RAB4B: variants seen among roughly 807,000 people sequenced by gnomAD.
RAB4B encodes the protein RAB4B, member RAS oncogene family, also known as ras-related protein Rab-4B.
In RAB4B, 15 loss-of-function variants were observed where a neutral mutation model predicts 28.3. The observed-to-expected ratio is 0.53, with a 90% confidence interval of 0.35 to 0.82. The LOEUF (loss-of-function observed/expected upper bound fraction) is 0.82, where lower values mean the gene tolerates loss of function less well. RAB4B is among the 40% of genes least tolerant of loss of function. The pLI, the probability that RAB4B is intolerant of heterozygous loss-of-function variation, is 0.01. For missense variants in RAB4B, 244 were observed against 288.5 expected (o/e 0.85, Z 1.12); for synonymous variants, 108 against 116.3 (o/e 0.93, Z 0.46).
At chr19:40,796,504 A>G (rs1265725733) in intron 7 of RAB4B, 66 bp from the exon 8 acceptor site, 13 of 152,462 alleles carry the variant, frequency 8.5e-5, no homozygotes, top group Non-Finnish European at 2.9e-5. Context: ...AATACCTGGA[A>G]ATGAGATAGA....
In RAB4B at chr19:40,796,921, C is replaced by T. The variant is rs2083214310; in HGVS notation, c.*367C>T. The T allele has an allele frequency of 6.5e-6, 1 of 152,720 alleles. No individual in the cohort carries two copies. The highest frequency in any genetic ancestry group is 2.4e-5 in the African/African-American group (1 of 41,444). The allele number at this position is 152,720 out of a possible 1,614,324, so 9.5% of individuals were successfully genotyped here. ...GCCTGTCCAGCACCCACCCTACCCC[C>T]ATAAAGCATTGTTTACACCTGTGTC... On this transcript the variant is annotated 3_prime_UTR_variant, in exon 8 of 8. Coordinates refer to ENST00000357052, the MANE Select transcript of RAB4B (RefSeq NM_016154.5).
chr19:40,791,800 A>T (rs1319386185), intron 7 of RAB4B, among the ~76,000 whole-genome samples: 3 of 152,030 alleles, frequency 2.0e-5, no homozygotes, highest in African/African-American at 7.2e-5. Context: ...CGCCTGGCAA[A>T]GTTTTTATAT....
At chr19:40,795,022 A>G (rs2083196391) in intron 7 of RAB4B, among the ~76,000 whole-genome samples, 1 of 135,476 alleles carries the variant, frequency 7.4e-6, no homozygotes, top group South Asian at 2.4e-4. Context: ...AAAAAAAATT[A>G]GCCAGGCGTG....
chr19:40,786,933 GGCCGTGGCCCCTCA>G lies in RAB4B; in HGVS notation c.619_632del (p.Ala207TrpfsTer76), dbSNP rs757636580. On this transcript the variant is annotated frameshift_variant, in exon 7 of 8. Coordinates refer to ENST00000357052, the MANE Select transcript of RAB4B (RefSeq NM_016154.5). LOFTEE classifies it high-confidence loss of function. The stretch of plus-strand genomic sequence containing the variant: ...AGCTTCGGCAGCCTCGGAGTGCCCA[GGCCGTGGCCCCTCA>G]GCCGTGTGGCTGCTGAGCTCTGTGG... The G allele has an allele frequency of 1.9e-6, 3 of 1,614,060 alleles. No homozygotes were observed. The highest frequency in any genetic ancestry group is 2.5e-6 in the Non-Finnish European group (3 of 1,179,956).
At chr19:40,783,741 C>A in intron 3 of RAB4B, 37 bp from the exon 4 acceptor site, 1 of 1,520,890 alleles carries the variant, frequency 6.6e-7, no homozygotes, top group Non-Finnish European at 8.8e-7. Flanking sequence ...GGGCAGACCC[C>A]AGCCTTGGGG....
At chr19:40,786,809 C>T in intron 6 of RAB4B, 39 bp from the exon 7 acceptor site, 1 of 1,614,118 alleles carries the variant, frequency 6.2e-7, no homozygotes. Flanking sequence ...GCCCGGGGGT[C>T]TCCAGGCAAC....
At chr19:40,786,501 C>G in intron 5 of RAB4B, 164 bp from the exon 6 acceptor site, 2 of 1,040,384 alleles carry the variant, frequency 1.9e-6, no homozygotes, top group East Asian at 5.6e-5. Context: ...GTGGGCATAT[C>G]GGGAAGCGGA....
intron 7 of RAB4B, among the ~76,000 whole-genome samples, chr19:40,790,463 TG>T (rs2083146956): frequency 1.4e-5 from 2 of 145,584 alleles, no homozygotes; most frequent in Non-Finnish European, 3.0e-5. Context: ...CTCCGCCTCC[TG>T]GGTTCATGCC....
intron 1 of RAB4B, chr19:40,779,095 G>A: frequency 1.1e-6 from 1 of 899,020 alleles, no homozygotes. Context: ...TAGACTGAAG[G>A]TCAGGAGCTA....
chr19:40,780,034 T>G lies in RAB4B; in HGVS notation c.32T>G (p.Phe11Cys), dbSNP rs753430798. ...ATCTGGTCAGACTTCCTCTTCAAAT[T>G]CCTGGTGATTGGCAGTGCAGGAACT... MAETYDFLFK[F>C]LVIGSAGTGK... is the part of the protein sequence containing the mutation. Residue 11 changes from phenylalanine (F) to cysteine (C), a missense_variant, in exon 2 of 8, where the codon TTC becomes TGC. Coordinates refer to ENST00000357052, the MANE Select transcript of RAB4B (RefSeq NM_016154.5). 3.9e-5 allele frequency: 63 copies of G among 1,611,540 alleles called. No homozygotes were observed. The highest frequency in any genetic ancestry group is 5.3e-5 in the Non-Finnish European group (62 of 1,177,760).
Position 40,780,053 on chromosome 19 carries a change from A to G in RAB4B, c.51A>G (p.Ala17=), listed in dbSNP as rs1241580955. ...TCAAATTCCTGGTGATTGGCAGTGC[A>G]GGAACTGGCAAATCATGTCTCCTTC... The part of the protein sequence containing the change: ...FLFKFLVIGS[A]GTGKSCLLHQ... Residue 17 remains alanine (A), a synonymous_variant, in exon 2 of 8, where the codon GCA becomes GCG. Transcript: ENST00000357052. 1 of 1,611,050 alleles carries G rather than the reference A, an allele frequency of 6.2e-7. No homozygotes were observed. Among genetic ancestry groups the G allele is most frequent in the Non-Finnish European group, 8.5e-7 (1 of 1,177,230 alleles).
At chr19:40,786,536 C>T (rs1272432349) in intron 5 of RAB4B, 129 bp from the exon 6 acceptor site, 12 of 1,389,286 alleles carry the variant, frequency 8.6e-6, no homozygotes, top group East Asian at 5.1e-5. Context: ...AAATGGCATG[C>T]GCAGAGGCCT....
At chr19:40,788,628 C>A (rs1032640723) in intron 7 of RAB4B, among the ~76,000 whole-genome samples, 5 of 150,158 alleles carry the variant, frequency 3.3e-5, no homozygotes. Context: ...GCTCTGTTAC[C>A]CAGGATGGAG....
chr19:40,787,535 CAA>C (rs1236900250), intron 7 of RAB4B, among the ~76,000 whole-genome samples: 3 of 103,800 alleles, frequency 2.9e-5, no homozygotes, highest in African/African-American at 3.5e-5. Context: ...GACTTTGTCT[CAA>C]AAAAAAAAAA....
At chr19:40,788,122 C>G (rs2083120137) in intron 7 of RAB4B, among the ~76,000 whole-genome samples, 1 of 152,036 alleles carries the variant, frequency 6.6e-6, no homozygotes, top group South Asian at 2.1e-4. Flanking sequence ...GCTCAAGGCA[C>G]TGGGGATATG....
chr19:40,795,487 C>T (rs564592217), intron 7 of RAB4B, among the ~76,000 whole-genome samples: 115 of 151,938 alleles, frequency 7.6e-4, no homozygotes, highest in African/African-American at 2.7e-3. Context: ...GCAACCTCCG[C>T]CTCCTGGGTT....
intron 7 of RAB4B, among the ~76,000 whole-genome samples, chr19:40,790,046 A>C (rs1372109488): frequency 2.0e-5 from 3 of 152,184 alleles, no homozygotes; most frequent in Non-Finnish European, 4.4e-5. Flanking sequence ...GGTTGGAGGA[A>C]GCAGATCAGT....
chr19:40,780,248 C>G, intron 2 of RAB4B, 137 bp from the exon 3 acceptor site: 1 of 1,439,960 alleles, frequency 6.9e-7, no homozygotes, highest in South Asian at 1.4e-5. Flanking sequence ...ATGTCCTTTA[C>G]TAGGTTCTCC....
chr19:40,786,562 G>T, intron 5 of RAB4B, 103 bp from the exon 6 acceptor site: 1 of 1,539,296 alleles, frequency 6.5e-7, no homozygotes, highest in Non-Finnish European at 8.8e-7. Flanking sequence ...GAGGGTAAGG[G>T]GGGATGGAAC....
Sources: gnomAD v4.1 joint callset for allele counts (sites outside exome capture counted in the v4.1 genomes callset) on GRCh38, gnomAD v4.1.1 for gene constraint, MANE v1.5 for transcripts, NCBI Gene and HGNC (gene_info 2026-07-23, HGNC 2026-07-21) for gene names.